The following PTPRE variants were observed in gnomAD, a reference collection of about 807,000 sequenced individuals.
The protein encoded by PTPRE is protein tyrosine phosphatase receptor type E.
Under a neutral mutation model 102.0 loss-of-function variants are expected in PTPRE, and 51 were observed. The observed-to-expected ratio is 0.50, with a 90% confidence interval of 0.40 to 0.63. PTPRE has a LOEUF of 0.63. PTPRE is among the 30% of genes least tolerant of loss of function. PTPRE has a pLI of 0.00. For missense variants in PTPRE, 752 were observed against 915.1 expected (o/e 0.82, Z 2.30); for synonymous variants, 345 against 348.2 (o/e 0.99, Z 0.10).
intron 1 of PTPRE, among the ~76,000 whole-genome samples, chr10:127,911,816 C>T (rs1237973322): frequency 2.0e-5 from 3 of 152,134 alleles, no homozygotes; most frequent in Non-Finnish European, 4.4e-5. Context: ...ATTTTAGGTA[C>T]TGGCCCTAGA....
intron 1 of PTPRE, among the ~76,000 whole-genome samples, chr10:127,976,161 G>C (rs188990657): frequency 8.2e-4 from 125 of 152,276 alleles, no homozygotes; most frequent in African/African-American, 2.1e-3. Context: ...AAACATGACA[G>C]TGACTGTCAG....
intron 11 of PTPRE, 108 bp downstream of exon 11, chr10:128,066,302 ACTGTCGCAGCCCTGGCT>A: frequency 6.6e-7 from 1 of 1,524,804 alleles, no homozygotes; most frequent in Non-Finnish European, 8.9e-7. Flanking sequence ...CCAGCCCGGC[ACTGTCGCAGCCCTGGCT>A]GAGAGGGTGC....
chr10:127,923,309 G>A (rs1054264958), intron 1 of PTPRE, among the ~76,000 whole-genome samples: 3 of 152,086 alleles, frequency 2.0e-5, no homozygotes, highest in African/African-American at 7.2e-5. Context: ...CAGGAGTCTT[G>A]GCTATCCAGA....
At chr10:127,957,099 C>A (rs1399481502) in intron 1 of PTPRE, among the ~76,000 whole-genome samples, 2 of 152,070 alleles carry the variant, frequency 1.3e-5, no homozygotes, top group Non-Finnish European at 2.9e-5. Context: ...TGTATCAATT[C>A]TTTCTTTTAT....
At chr10:127,920,103 G>A in intron 1 of PTPRE, among the ~76,000 whole-genome samples, 1 of 152,280 alleles carries the variant, frequency 6.6e-6, no homozygotes, top group East Asian at 1.9e-4. Context: ...CGAGTTTGTG[G>A]CTAGAATGAT....
intron 1 of PTPRE, among the ~76,000 whole-genome samples, chr10:127,920,575 G>A (rs1364694788): frequency 2.6e-5 from 4 of 152,138 alleles, no homozygotes; most frequent in Admixed American, 6.6e-5. Context: ...CACTGTACCC[G>A]AGCCTGGGGC....
At chr10:127,967,026 A>C (rs1290069571) in intron 1 of PTPRE, among the ~76,000 whole-genome samples, 1 of 152,184 alleles carries the variant, frequency 6.6e-6, no homozygotes, top group Admixed American at 6.5e-5. Context: ...CAAACAAACA[A>C]ACACTTCAAG....
intron 1 of PTPRE, among the ~76,000 whole-genome samples, chr10:127,942,900 A>G (rs1178673249): frequency 6.6e-6 from 1 of 152,214 alleles, no homozygotes; most frequent in East Asian, 1.9e-4. Flanking sequence ...ACCACAATTT[A>G]AAAAACTCAT....
At chr10:127,970,264 C>A (rs1021518209) in intron 1 of PTPRE, among the ~76,000 whole-genome samples, 1 of 152,140 alleles carries the variant, frequency 6.6e-6, no homozygotes, top group Non-Finnish European at 1.5e-5. Context: ...AACCCAGCTG[C>A]CACCCAAGAG....
chr10:128,001,489 C>T (rs1853888211), intron 2 of PTPRE, among the ~76,000 whole-genome samples: 1 of 152,136 alleles, frequency 6.6e-6, no homozygotes, highest in Non-Finnish European at 1.5e-5. Context: ...TAAATCCTTC[C>T]ACCCCCGGAA....
rs115922705 is a variant in PTPRE at position 128,074,309 on chromosome 10, C to G, written c.1599+838C>G. ...TATTTGCTTGTGTGGATATACTACACTCTGCATATCCATTCATCAGTTGAT... is the reference window on the plus strand; with the variant it reads ...TATTTGCTTGTGTGGATATACTACAGTCTGCATATCCATTCATCAGTTGAT... On this transcript the variant is annotated intron_variant, in intron 17 of 20. Transcript: ENST00000254667. Among the ~76,000 whole-genome samples the G allele has an allele frequency of 3.8e-3, 585 of 152,300 alleles. 3 individuals carry two copies. The highest frequency in any genetic ancestry group is 0.013 in the African/African-American group (551 of 41,546).
chr10:128,012,269 C>T (rs1396487394), intron 2 of PTPRE, among the ~76,000 whole-genome samples: 1 of 152,186 alleles, frequency 6.6e-6, no homozygotes, highest in Admixed American at 6.6e-5. Context: ...CTCACCTTTG[C>T]AACTCAAGGG....
intron 1 of PTPRE, among the ~76,000 whole-genome samples, chr10:127,962,062 T>C (rs559181508): frequency 1.1e-4 from 16 of 152,346 alleles, no homozygotes; most frequent in Admixed American, 9.1e-4. Flanking sequence ...TAGGAATTTA[T>C]TACCTGTTTT....
At chr10:127,999,739 C>G (rs1853674871) in intron 2 of PTPRE, 5 of 985,202 alleles carry the variant, frequency 5.1e-6, no homozygotes, top group Non-Finnish European at 1.2e-6. Flanking sequence ...AAATTTCTCC[C>G]TGCTGGATCT....
At chr10:128,062,983 G>T in intron 9 of PTPRE, 100 bp from the exon 10 acceptor site, 2 of 1,546,592 alleles carry the variant, frequency 1.3e-6, no homozygotes, top group South Asian at 1.2e-5. Flanking sequence ...AGAAGGGAGT[G>T]AACAGCTGTC....
intron 1 of PTPRE, among the ~76,000 whole-genome samples, chr10:127,959,624 A>G (rs1412694087): frequency 6.6e-6 from 1 of 152,240 alleles, no homozygotes; most frequent in Non-Finnish European, 1.5e-5. Flanking sequence ...TGTGGGGAAG[A>G]TGTTGTGTCC....
At chr10:128,063,618 A>C (rs1294747715) in intron 10 of PTPRE, among the ~76,000 whole-genome samples, 1 of 152,254 alleles carries the variant, frequency 6.6e-6, no homozygotes, top group Non-Finnish European at 1.5e-5. Flanking sequence ...TTGATTTGTC[A>C]TCCGAATATA....
At chr10:128,021,403 C>T (rs565522408) in intron 2 of PTPRE, among the ~76,000 whole-genome samples, 6 of 152,324 alleles carry the variant, frequency 3.9e-5, no homozygotes, top group Middle Eastern at 3.4e-3. Flanking sequence ...CCCCCCTCCC[C>T]GTGTTCAGGG....
chr10:127,948,408 T>G (rs563899310), intron 1 of PTPRE, among the ~76,000 whole-genome samples: 1 of 152,276 alleles, frequency 6.6e-6, no homozygotes, highest in Admixed American at 6.5e-5. Flanking sequence ...ACTCTTGGTG[T>G]TGTACATTCT....
Sources: gnomAD v4.1 joint callset for allele counts (sites outside exome capture counted in the v4.1 genomes callset) on GRCh38, gnomAD v4.1.1 for gene constraint, MANE v1.5 for transcripts, NCBI Gene and HGNC (gene_info 2026-07-23, HGNC 2026-07-21) for gene names.